CD6: variants seen among roughly 807,000 people sequenced by gnomAD.
CD6 encodes the protein CD6 molecule.
In CD6, 53 loss-of-function variants were observed where a neutral mutation model predicts 75.3. That is an observed-to-expected ratio of 0.70 (90% CI 0.56 to 0.88). The LOEUF is 0.88. CD6 is among the 40% of genes least tolerant of loss of function. The pLI, the probability that CD6 is intolerant of heterozygous loss-of-function variation, is 0.00. For missense variants in CD6, 770 were observed against 897.1 expected (o/e 0.86, Z 1.81); for synonymous variants, 359 against 381.5 (o/e 0.94, Z 0.69).
rs2134511801 is a variant in CD6, at chr11:61,018,357, C to T, written c.1906C>T (p.Pro636Ser). ...GEWYQNFQPPPQPPSEEQFGC... is the reference protein window; with the variant it reads ...GEWYQNFQPPSQPPSEEQFGC... The stretch of plus-strand genomic sequence containing the variant: ...GTGGTACCAGAACTTCCAGCCACCA[C>T]CCCAGCCCCCTTCGGAGGAGCAGTT... The change falls in exon 12 of 13, where the codon CCC becomes TCC. Residue 636 changes from proline to serine, a missense_variant. Pro to Ser is a moderately conservative substitution (Grantham distance 74). Transcript: ENST00000313421. 5.0e-6 allele frequency: 8 copies of T among 1,605,944 alleles called. No homozygotes were observed. Among genetic ancestry groups the T allele is most frequent in the Non-Finnish European group, 6.8e-6 (8 of 1,176,204 alleles).
chr11:61,015,581 G>GAA, intron 8 of CD6, 132 bp from the exon 9 acceptor site: 1 of 1,052,136 alleles, frequency 9.5e-7, no homozygotes, highest in Non-Finnish European at 1.4e-6. Flanking sequence ...AGAAAAGAAA[G>GAA]AAAAAAAAAG....
intron 5 of CD6, 74 bp downstream of exon 5, chr11:61,009,948 T>G: frequency 6.9e-7 from 1 of 1,445,654 alleles, no homozygotes; most frequent in Non-Finnish European, 9.3e-7. Context: ...AAACTTACAG[T>G]CCAAGGACCA....
chr11:60,983,645 T>TA (rs1857678822), intron 1 of CD6, among the ~76,000 whole-genome samples: 1 of 151,986 alleles, frequency 6.6e-6, no homozygotes, highest in South Asian at 2.1e-4. Flanking sequence ...TTTTTTTTTT[T>TA]ACATACGGAC....
At chr11:61,008,915 T>C in intron 4 of CD6, 70 bp downstream of exon 4, 3 of 1,332,096 alleles carry the variant, frequency 2.3e-6, no homozygotes, top group Non-Finnish European at 3.0e-6. Context: ...GCGCCAAGCC[T>C]GGAGTTAGTG....
Position 61,019,400 on chromosome 11 carries a change from TC to T in CD6, c.*85del. ...CTACTCCCTTTCCCCTTTCCCACCC[TC>T]CCAGCTCACCTCCCCATGGAGCTGA... On this transcript the variant is annotated 3_prime_UTR_variant, in exon 13 of 13. Coordinates refer to ENST00000313421, the MANE Select transcript of CD6 (RefSeq NM_006725.5). The T allele has an allele frequency of 9.1e-7, 1 of 1,096,360 alleles. No individual in the cohort carries two copies. Among genetic ancestry groups the T allele is most frequent in the Non-Finnish European group, 1.3e-6 (1 of 757,734 alleles). 67.9% of individuals were successfully genotyped at this position (1,096,360 alleles called of 1,614,324 possible).
At chr11:60,999,392 C>T (rs1019351833) in intron 1 of CD6, among the ~76,000 whole-genome samples, 25 of 148,556 alleles carry the variant, frequency 1.7e-4, no homozygotes, top group African/African-American at 6.0e-4. Context: ...GCTGGGCCCA[C>T]ATGAAAAAAA....
At position 61,007,517 on chromosome 11, in the gene CD6, C is replaced by T; in HGVS notation, c.119-43C>T. 3 of 1,387,366 alleles carry T rather than the reference C, an allele frequency of 2.2e-6. No homozygotes were observed. Among genetic ancestry groups the T allele is most frequent in the Non-Finnish European group, 2.8e-6 (3 of 1,060,356 alleles). The allele number at this position is 1,387,366 out of a possible 1,614,324, so 85.9% of individuals were successfully genotyped here. ...GTGGCAGAGCCTGGGCAACCCTCTGCCCAGGCCCCACCGGTCTCAGCTCTC... is the reference window on the plus strand; with the variant it reads ...GTGGCAGAGCCTGGGCAACCCTCTGTCCAGGCCCCACCGGTCTCAGCTCTC... On this transcript the variant is annotated intron_variant, in intron 2 of 12. Coordinates refer to ENST00000313421, the MANE Select transcript of CD6 (RefSeq NM_006725.5). The surrounding 1 kb of genome is among the most constrained non-coding windows in gnomAD (Gnocchi z 4.2).
Position 61,009,892 on chromosome 11 carries a change from A to AC in CD6, c.1084+25dup, listed in dbSNP as rs756242912. Reference sequence around the variant, plus strand: ...CTGCTCAGGTACCCCATCCTACTCCACCCCCCCAGATTTGAGCCAGAATTC... The same window carrying AC: ...CTGCTCAGGTACCCCATCCTACTCCACCCCCCCCAGATTTGAGCCAGAATTC... On this transcript the variant is annotated intron_variant, in intron 5 of 12. Transcript: ENST00000313421. 42 of 1,512,760 alleles carry AC rather than the reference A, an allele frequency of 2.8e-5. No individual in the cohort carries two copies. The highest frequency in any genetic ancestry group is 4.0e-5 in the South Asian group (3 of 75,090). 93.7% of individuals were successfully genotyped at this position (1,512,760 alleles called of 1,614,324 possible). A position where few individuals can be genotyped will look rare whatever the true frequency, so the allele number is the denominator to read the frequency against.
rs1859555356 is a variant in CD6 at position 61,019,025 on chromosome 11, G to A, written c.1943-229G>A. The A allele has an allele frequency of 3.9e-5, 18 of 460,184 alleles. No homozygotes were observed. The South Asian group carries it at 8.8e-4, about 22-fold the overall frequency. 28.5% of individuals were successfully genotyped at this position (460,184 alleles called of 1,614,324 possible). Reference sequence around the variant, plus strand: ...CTTCCAACATTCAATCGTCCACCGTGTCGTGCAGTGTGCCATTGTGGAGAC... The same window carrying A: ...CTTCCAACATTCAATCGTCCACCGTATCGTGCAGTGTGCCATTGTGGAGAC... On this transcript the variant is annotated intron_variant, in intron 12 of 12. Transcript: ENST00000313421.
chr11:60,988,198 T>C (rs1287772858), intron 1 of CD6, among the ~76,000 whole-genome samples: 2 of 152,246 alleles, frequency 1.3e-5, no homozygotes, highest in Non-Finnish European at 2.9e-5. Flanking sequence ...CACTGAGCCT[T>C]CACAGGCTCC....
intron 8 of CD6, among the ~76,000 whole-genome samples, chr11:61,014,449 T>A (rs1454395042): frequency 6.6e-6 from 1 of 152,150 alleles, no homozygotes; most frequent in Non-Finnish European, 1.5e-5. Context: ...AAAAAACAAA[T>A]TGGGGCTGGG....
Position 60,971,715 on chromosome 11 carries a change from G to A in CD6, c.-151G>A. The A allele has an allele frequency of 2.9e-6, 2 of 701,280 alleles. No homozygotes were observed. The highest frequency in any genetic ancestry group is 4.9e-6 in the Non-Finnish European group (2 of 407,594). The allele number at this position is 701,280 out of a possible 1,614,324, so 43.4% of individuals were successfully genotyped here. A position where few individuals can be genotyped will look rare whatever the true frequency, so the allele number is the denominator to read the frequency against. On this transcript the variant is annotated 5_prime_UTR_variant, in exon 1 of 13. Coordinates refer to ENST00000313421, the MANE Select transcript of CD6 (RefSeq NM_006725.5). ...TGGGTTTGATCGCATGCGTGTCGGA[G>A]AGGAGAGAGCAGAGAGAGACACAGG...
At chr11:61,011,214 C>T (rs1370722733) in intron 6 of CD6, 79 bp downstream of exon 6, 11 of 581,808 alleles carry the variant, frequency 1.9e-5, no homozygotes, top group Non-Finnish European at 2.4e-5. Flanking sequence ...TTCCTGTGCA[C>T]ACCTGTGTTG....
intron 12 of CD6, 192 bp from the exon 13 acceptor site, chr11:61,019,062 A>T: frequency 1.8e-6 from 1 of 551,170 alleles, no homozygotes; most frequent in Admixed American, 3.0e-5. Context: ...ATAGCCCTGA[A>T]CCAGACAGAC....
At chr11:60,976,586 G>A (rs190722044) in intron 1 of CD6, among the ~76,000 whole-genome samples, 2 of 152,218 alleles carry the variant, frequency 1.3e-5, no homozygotes, top group East Asian at 3.9e-4. Context: ...TTACCAAGGA[G>A]GAAACAATGG....
chr11:60,981,559 G>A (rs1472873151), intron 1 of CD6, among the ~76,000 whole-genome samples: 3 of 152,234 alleles, frequency 2.0e-5, no homozygotes, highest in Non-Finnish European at 4.4e-5. Flanking sequence ...CAGGGCCAAC[G>A]GGAGCTCAGA....
chr11:61,005,693 A>G (rs1858813846), intron 1 of CD6, among the ~76,000 whole-genome samples: 3 of 152,230 alleles, frequency 2.0e-5, no homozygotes, highest in Non-Finnish European at 2.9e-5. Context: ...GCACTTTGGG[A>G]GGCTGAGGCA....
chr11:61,013,878 CA>C, intron 7 of CD6, 40 bp from the exon 8 acceptor site: 8 of 1,449,078 alleles, frequency 5.5e-6, no homozygotes, highest in Admixed American at 1.9e-5. Context: ...TGGGAGAGGG[CA>C]AAAAAATGAC....
At chr11:61,006,325 T>A (rs1858855574) in intron 1 of CD6, among the ~76,000 whole-genome samples, 1 of 152,204 alleles carries the variant, frequency 6.6e-6, no homozygotes, top group African/African-American at 2.4e-5. Context: ...TTCCTCCCTG[T>A]TCTACTCCGA....
Sources: gnomAD v4.1 joint callset for allele counts (sites outside exome capture counted in the v4.1 genomes callset) on GRCh38, gnomAD v4.1.1 for gene constraint, Gnocchi (gnomAD v3.1) non-coding constraint, MANE v1.5 for transcripts, NCBI Gene and HGNC (gene_info 2026-07-23, HGNC 2026-07-21) for gene names.